The following VPS8 variants were observed in gnomAD, a reference collection of about 807,000 sequenced individuals.
The protein encoded by VPS8 is vacuolar protein sorting-associated protein 8 homolog.
Under a neutral mutation model 216.4 loss-of-function variants are expected in VPS8, and 129 were observed. The ratio of observed to expected loss-of-function variants is 0.60; its 90% CI spans 0.52 to 0.69. The LOEUF is 0.69. Ranked by LOEUF, VPS8 falls within the 30% of genes least tolerant of loss-of-function variation. VPS8 has a pLI of 0.00. For synonymous variants in VPS8, 571 were observed against 565.4 expected (o/e 1.01, Z -0.14); for missense variants, 1,531 against 1,683.5 (o/e 0.91, Z 1.59).
Position 184,834,726 on chromosome 3 carries a change from A to G in VPS8, c.431A>G (p.Gln144Arg), listed in dbSNP as rs747116081. The G allele has an allele frequency of 2.0e-5, 31 of 1,561,408 alleles. No homozygotes were observed. Among genetic ancestry groups the G allele is most frequent in the African/African-American group, 1.4e-5 (1 of 73,634 alleles). ...RHSLLKGISA[Q>R]IVSAADKVDA... ...TCACTTTTGAAGGGAATTTCTGCCC[A>G]GATAGTGTCTGCAGCTGTAAGTATT... Residue 144 changes from glutamine (Q) to arginine (R), a missense_variant, in exon 5 of 48, where the codon CAG becomes CGG. Physicochemically the swap from Gln to Arg is conservative, Grantham distance 43. This residue lies in a region of VPS8 where 199 missense variants were observed against 182.2 expected (regional missense o/e 1.09). Transcript: ENST00000625842.
intron 45 of VPS8, among the ~76,000 whole-genome samples, chr3:185,015,811 C>T (rs1031210060): frequency 6.6e-6 from 1 of 152,070 alleles, no homozygotes; most frequent in African/African-American, 2.4e-5. Flanking sequence ...TTTAACAATC[C>T]GAGTTCTCCC....
At chr3:185,024,760 T>C (rs556378894) in intron 46 of VPS8, among the ~76,000 whole-genome samples, 2 of 152,248 alleles carry the variant, frequency 1.3e-5, no homozygotes, top group South Asian at 4.1e-4. Flanking sequence ...CCCAGCACTT[T>C]GGGAGGCTGA....
chr3:184,926,551 C>G (rs765237550), intron 30 of VPS8, 43 bp from the exon 31 acceptor site: 2 of 1,536,224 alleles, frequency 1.3e-6, no homozygotes, highest in Non-Finnish European at 1.8e-6. Context: ...GTATTAATGT[C>G]TAGATGCTGA....
chr3:184,820,455 C>T (rs886799469), intron 1 of VPS8, among the ~76,000 whole-genome samples: 5 of 152,224 alleles, frequency 3.3e-5, no homozygotes, highest in Non-Finnish European at 5.9e-5. Context: ...TCCGGAATAA[C>T]CTTCCTGTCA....
At chr3:184,963,171 G>C (rs1746821868) in intron 37 of VPS8, among the ~76,000 whole-genome samples, 1 of 151,942 alleles carries the variant, frequency 6.6e-6, no homozygotes, top group South Asian at 2.1e-4. Flanking sequence ...ACATCTCCTA[G>C]TATTCCACAT....
At chr3:184,827,142 A>T (rs1299950724) in intron 3 of VPS8, among the ~76,000 whole-genome samples, 1 of 152,272 alleles carries the variant, frequency 6.6e-6, no homozygotes, top group Non-Finnish European at 1.5e-5. Flanking sequence ...AGGCCCACGT[A>T]TACCAAAGCT....
At chr3:184,991,733 T>C (rs1213188839) in intron 42 of VPS8, among the ~76,000 whole-genome samples, 2 of 152,154 alleles carry the variant, frequency 1.3e-5, no homozygotes, top group Non-Finnish European at 2.9e-5. Flanking sequence ...AAAAGTATAA[T>C]TAAGCATTAA....
At chr3:185,020,103 T>A (rs975123113) in intron 45 of VPS8, among the ~76,000 whole-genome samples, 1 of 152,222 alleles carries the variant, frequency 6.6e-6, no homozygotes, top group Non-Finnish European at 1.5e-5. Context: ...CCAACAGAAA[T>A]TATCAAGTTT....
At chr3:184,952,982 C>T (rs1241840690) in intron 36 of VPS8, among the ~76,000 whole-genome samples, 4 of 152,192 alleles carry the variant, frequency 2.6e-5, no homozygotes, top group African/African-American at 9.7e-5. Flanking sequence ...TTTCTGTTTA[C>T]TCCTTAGGAA....
At chr3:184,976,288 T>C (rs1749259633) in intron 40 of VPS8, among the ~76,000 whole-genome samples, 2 of 152,162 alleles carry the variant, frequency 1.3e-5, no homozygotes, top group Non-Finnish European at 2.9e-5. Flanking sequence ...TGTTTAACTT[T>C]TATTTAGGTA....
chr3:185,045,176 T>TAGAAGGCTTCTAGAATACCGAAAAGA (rs1268923437), intron 46 of VPS8, among the ~76,000 whole-genome samples: 2 of 151,372 alleles, frequency 1.3e-5, no homozygotes, highest in East Asian at 3.9e-4. Context: ...GCCACCAGTG[T>TAGAAGGCTTCTAGAATACCGAAAAGA]CAATACAAAG....
At chr3:184,956,165 A>G (rs1376783030) in intron 36 of VPS8, among the ~76,000 whole-genome samples, 1 of 152,176 alleles carries the variant, frequency 6.6e-6, no homozygotes, top group Non-Finnish European at 1.5e-5. Context: ...CTTTGACCCA[A>G]GCTTCTTATT....
intron 46 of VPS8, 56 bp from the exon 47 acceptor site, chr3:185,048,423 T>C (rs1713428882): frequency 6.4e-7 from 1 of 1,563,966 alleles, no homozygotes; most frequent in South Asian, 1.1e-5. Flanking sequence ...GTAGAGCAAG[T>C]TGAGAGGCTG....
chr3:184,885,758 C>T (rs1457307774), intron 21 of VPS8, among the ~76,000 whole-genome samples: 2 of 152,030 alleles, frequency 1.3e-5, no homozygotes, highest in Non-Finnish European at 2.9e-5. Flanking sequence ...ACAAAATTTA[C>T]TTATTTTCCC....
chr3:184,994,087 TAA>T, intron 43 of VPS8, 24 bp downstream of exon 43: 7 of 1,488,992 alleles, frequency 4.7e-6, no homozygotes, highest in Non-Finnish European at 6.3e-6. Context: ...TTGTTACATC[TAA>T]GTCTGTCCTA....
At chr3:184,824,994 C>T (rs1053024359) in intron 2 of VPS8, 4 of 542,706 alleles carry the variant, frequency 7.4e-6, no homozygotes, top group Non-Finnish European at 1.3e-5. Context: ...AAGCTTCAAC[C>T]TCCTGGGCTC....
chr3:185,047,336 T>C (rs1713154451), intron 46 of VPS8, among the ~76,000 whole-genome samples: 1 of 151,866 alleles, frequency 6.6e-6, no homozygotes, highest in Non-Finnish European at 1.5e-5. Context: ...TTATGTGATG[T>C]AGCTATAGTC....
intron 45 of VPS8, among the ~76,000 whole-genome samples, chr3:185,009,944 C>A (rs755538925): frequency 6.9e-6 from 1 of 145,718 alleles, no homozygotes; most frequent in African/African-American, 2.5e-5. Context: ...TGAGTACTTA[C>A]CCACTTATTT....
Position 184,886,128 on chromosome 3 carries a change from G to A in VPS8, c.1753G>A (p.Val585Ile), listed in dbSNP as rs1457179056. Residue 585 changes from valine to isoleucine, a missense_variant, in exon 22 of 48, where the codon GTT (valine) becomes ATT (isoleucine). This residue lies in a region of VPS8 where 1,318 missense variants were observed against 1,468.4 expected (regional missense o/e 0.90). Transcript: ENST00000625842. Reference sequence around the variant, plus strand: ...TCTACAGGATATGGTGCCTGTCATAGTTGATTACTGCCTTCTGCTGCAGCG... The same window carrying A: ...TCTACAGGATATGGTGCCTGTCATAATTGATTACTGCCTTCTGCTGCAGCG... Reference protein sequence around the residue: ...QHFQDMVPVIVDYCLLLQRKD... With the variant: ...QHFQDMVPVIIDYCLLLQRKD... 1 of 1,609,838 alleles carries A rather than the reference G, an allele frequency of 6.2e-7. No individual in the cohort carries two copies. Among genetic ancestry groups the A allele is most frequent in the Admixed American group, 1.7e-5 (1 of 59,568 alleles).
Sources: allele counts gnomAD v4.1 joint callset (sites outside exome capture counted in the v4.1 genomes callset), GRCh38; gene constraint gnomAD v4.1.1; regional missense constraint gnomAD v4.1.1; transcripts MANE v1.5; gene names NCBI Gene and HGNC (gene_info 2026-07-23, HGNC 2026-07-21).